The following ATXN2 variants were observed in gnomAD, a reference collection of about 807,000 sequenced individuals.
ATXN2 encodes ataxin 2.
A neutral mutation model predicts 138.6 loss-of-function variants in ATXN2; 37 were observed. That is an observed-to-expected ratio of 0.27 (90% CI 0.21 to 0.35). ATXN2 has a LOEUF of 0.35. Ranked by LOEUF, ATXN2 falls within the 10% of genes least tolerant of loss-of-function variation. The pLI, the probability that ATXN2 is intolerant of heterozygous loss-of-function variation, is 1.00. For synonymous variants in ATXN2, 549 were observed against 543.7 expected (o/e 1.01, Z -0.13); for missense variants, 1,216 against 1,480.3 (o/e 0.82, Z 2.93).
At chr12:111,513,325 G>T in intron 11 of ATXN2, 32 bp downstream of exon 11, 1 of 1,602,588 alleles carries the variant, frequency 6.2e-7, no homozygotes, top group South Asian at 1.1e-5. Context: ...ATGACAAAAT[G>T]AGTACCATCA....
chr12:111,584,923 C>T (rs1458794768), intron 1 of ATXN2, among the ~76,000 whole-genome samples: 2 of 152,022 alleles, frequency 1.3e-5, no homozygotes, highest in Admixed American at 1.3e-4. Context: ...TGCACTCCAG[C>T]CTCGGCAACT....
intron 14 of ATXN2, among the ~76,000 whole-genome samples, chr12:111,500,996 C>A (rs572265203): frequency 6.6e-6 from 1 of 152,166 alleles, no homozygotes; most frequent in South Asian, 2.1e-4. Context: ...TTTAGAATAA[C>A]TGAGGGAGTA....
Position 111,552,267 on chromosome 12 carries a change from A to C in ATXN2, c.571+13T>G. On this transcript the variant is annotated intron_variant, in intron 5 of 24. Transcript: ENST00000673436. This position sits in a 1 kb window ranked among gnomAD's most constrained non-coding sequence, Gnocchi z 4.1. Reference sequence around the variant, plus strand: ...AATAAACCATGAGGCATATTTAGGAAATCAAAACCCACCTCTTTTTGCATA... The same window carrying C: ...AATAAACCATGAGGCATATTTAGGACATCAAAACCCACCTCTTTTTGCATA... The C allele has an allele frequency of 6.3e-7, 1 of 1,580,608 alleles. No individual in the cohort carries two copies. Among genetic ancestry groups the C allele is most frequent in the South Asian group, 1.2e-5 (1 of 85,764 alleles).
intron 1 of ATXN2, among the ~76,000 whole-genome samples, chr12:111,585,830 A>AAAC (rs1884296103): frequency 6.8e-6 from 1 of 147,512 alleles, no homozygotes; most frequent in Non-Finnish European, 1.5e-5. Flanking sequence ...AAAAAAAAAA[A>AAAC]CCTCCCAGAA....
intron 1 of ATXN2, among the ~76,000 whole-genome samples, chr12:111,559,783 A>C (rs1012738165): frequency 1.3e-5 from 2 of 151,752 alleles, no homozygotes; most frequent in South Asian, 2.1e-4. Context: ...AAAACAAAAA[A>C]AAAAAAACTA....
At chr12:111,599,429 C>G, upstream of ATXN2, 1 of 1,182,578 alleles carries the variant, frequency 8.5e-7, no homozygotes, top group Non-Finnish European at 1.0e-6. Flanking sequence ...CTGGAGCGAG[C>G]GCCACCCGGG....
intron 14 of ATXN2, among the ~76,000 whole-genome samples, chr12:111,505,584 C>T (rs1879054490): frequency 6.6e-6 from 1 of 152,130 alleles, no homozygotes; most frequent in African/African-American, 2.4e-5. Flanking sequence ...CCAATAAACA[C>T]AAAAGATGTT....
chr12:111,572,760 GTC>G (rs1883403222), intron 1 of ATXN2, among the ~76,000 whole-genome samples: 1 of 152,130 alleles, frequency 6.6e-6, no homozygotes, highest in Non-Finnish European at 1.5e-5. Context: ...TACTGCTGAA[GTC>G]TTGTTCAGTG....
Position 111,516,075 on chromosome 12 carries a change from G to A in ATXN2, c.1375+79C>T, listed in dbSNP as rs1282037873. The A allele has an allele frequency of 6.9e-6, 9 of 1,310,968 alleles. No homozygotes were observed. In the South Asian group the frequency reaches 7.1e-5, roughly 10 times the overall value. The allele number at this position is 1,310,968 out of a possible 1,614,324, so 81.2% of individuals were successfully genotyped here. ...TTATAGGTTATTAAATAATGAAGAG[G>A]AAACTATTTTGTAATTATAAACTCA... is the stretch of plus-strand genomic sequence containing the variant. On this transcript the variant is annotated intron_variant, in intron 10 of 24. Coordinates refer to ENST00000673436, the MANE Select transcript of ATXN2 (RefSeq NM_001372574.1). The surrounding 1 kb of genome is among the most constrained non-coding windows in gnomAD (Gnocchi z 5.0).
intron 18 of ATXN2, among the ~76,000 whole-genome samples, chr12:111,483,765 T>C (rs1178040284): frequency 6.6e-6 from 1 of 152,132 alleles, no homozygotes; most frequent in Non-Finnish European, 1.5e-5. Flanking sequence ...AACTCCCTAA[T>C]TTTAATGCAG....
At chr12:111,482,197 T>A (rs1877289887) in intron 18 of ATXN2, among the ~76,000 whole-genome samples, 1 of 145,098 alleles carries the variant, frequency 6.9e-6, no homozygotes. Context: ...ACTATTTTTT[T>A]TTTTTTTTTT....
chr12:111,542,852 A>T (rs1881595853), intron 5 of ATXN2, among the ~76,000 whole-genome samples: 1 of 152,180 alleles, frequency 6.6e-6, no homozygotes, highest in Non-Finnish European at 1.5e-5. Context: ...GTTTGTCCAA[A>T]TAAAATTCTA....
rs572097275 is a variant in ATXN2 at position 111,541,445 on chromosome 12, G to A, written c.571+10835C>T. On this transcript the variant is annotated intron_variant, in intron 5 of 24. Coordinates refer to ENST00000673436, the MANE Select transcript of ATXN2 (RefSeq NM_001372574.1). ...CGGCTCACTGCAACCTCCACCTCCC[G>A]AGTTCAAGCGATTCTCCTGCCTCAG... is the stretch of plus-strand genomic sequence containing the variant. 2.4e-4 allele frequency among the ~76,000 whole-genome samples: 33 copies of A among 138,152 alleles called. 3 individuals are homozygous for A. The East Asian group carries it at 4.0e-3, about 17-fold the overall frequency. The allele number at this position is 138,152 out of a possible 152,430, so 90.6% of individuals were successfully genotyped here.
intron 5 of ATXN2, among the ~76,000 whole-genome samples, chr12:111,542,010 G>A (rs968316505): frequency 2.7e-5 from 4 of 147,532 alleles, no homozygotes; most frequent in Admixed American, 1.4e-4. Flanking sequence ...TCAAGTGATC[G>A]GCCCACCTCA....
At chr12:111,570,573 A>C (rs764076208) in intron 1 of ATXN2, among the ~76,000 whole-genome samples, 5 of 152,186 alleles carry the variant, frequency 3.3e-5, no homozygotes, top group African/African-American at 4.8e-5. Flanking sequence ...CCATGTGTAT[A>C]GCAATCCCTG....
intron 11 of ATXN2, chr12:111,511,767 TGAA>T (rs1048262325): frequency 2.6e-5 from 4 of 152,028 alleles, no homozygotes; most frequent in Admixed American, 6.6e-5. Context: ...CCTGACCGGC[TGAA>T]GAAGATTTTT....
intron 5 of ATXN2, among the ~76,000 whole-genome samples, chr12:111,530,039 ATT>A (rs1261179991): frequency 3.9e-5 from 6 of 152,138 alleles, no homozygotes; most frequent in African/African-American, 1.4e-4. Flanking sequence ...AAAAAATCAT[ATT>A]GTTTTGATCA....
chr12:111,524,041 C>T (rs1880338198), intron 6 of ATXN2, among the ~76,000 whole-genome samples: 2 of 152,192 alleles, frequency 1.3e-5, no homozygotes, highest in Admixed American at 1.3e-4. Context: ...TTGCCAGATT[C>T]TCTCCAGAAA....
Position 111,520,989 on chromosome 12 carries a change from G to A in ATXN2, c.697-16C>T. ...ATCCATTAGACTAGAAGAAAATGAAGCTTGTTTTTCAAAATGTCAAAGTAG... is the reference window on the plus strand; with the variant it reads ...ATCCATTAGACTAGAAGAAAATGAAACTTGTTTTTCAAAATGTCAAAGTAG... On this transcript the variant is annotated splice_polypyrimidine_tract_variant and intron_variant, in intron 6 of 24. Coordinates refer to ENST00000673436, the MANE Select transcript of ATXN2 (RefSeq NM_001372574.1). The A allele has an allele frequency of 6.7e-7, 1 of 1,493,156 alleles. No homozygotes were observed. The highest frequency in any genetic ancestry group is 9.2e-7 in the Non-Finnish European group (1 of 1,084,928). The allele number at this position is 1,493,156 out of a possible 1,614,324, so 92.5% of individuals were successfully genotyped here.
Sources: allele counts gnomAD v4.1 joint callset (sites outside exome capture counted in the v4.1 genomes callset), GRCh38; gene constraint gnomAD v4.1.1; non-coding constraint Gnocchi (gnomAD v3.1); transcripts MANE v1.5; gene names NCBI Gene and HGNC (gene_info 2026-07-23, HGNC 2026-07-21).